Variants in MED27 observed in about 807,000 individuals in gnomAD.
MED27 encodes the protein mediator of RNA polymerase II transcription subunit 27.
Under a neutral mutation model 38.2 loss-of-function variants are expected in MED27, and 30 were observed. That is an observed-to-expected ratio of 0.79 (90% CI 0.59 to 1.07). The LOEUF (loss-of-function observed/expected upper bound fraction) is 1.07, where lower values mean the gene tolerates loss of function less well. MED27 is among the 50% of genes least tolerant of loss of function. The pLI is 0.00. For missense variants in MED27, 289 were observed against 397.5 expected, an observed-to-expected ratio of 0.73 and a Z score of 2.32; for synonymous variants, 122 against 153.5, an observed-to-expected ratio of 0.79 and a Z score of 1.52.
intron 2 of MED27, among the ~76,000 whole-genome samples, chr9:132,058,647 T>C (rs906249696): frequency 2.4e-4 from 37 of 152,178 alleles, no homozygotes; most frequent in Admixed American, 2.6e-4. Flanking sequence ...ATAAATTACC[T>C]AGTCTCAGGT....
At chr9:131,972,170 A>G (rs896823875) in intron 3 of MED27, among the ~76,000 whole-genome samples, 1 of 152,238 alleles carries the variant, frequency 6.6e-6, no homozygotes, top group African/African-American at 2.4e-5. Flanking sequence ...TTTATTTCAG[A>G]TCTTTCTGGA....
chr9:132,068,175 G>A (rs1002968715), intron 2 of MED27, among the ~76,000 whole-genome samples: 1 of 152,116 alleles, frequency 6.6e-6, no homozygotes, highest in Non-Finnish European at 1.5e-5. Flanking sequence ...AACAGGTCAT[G>A]TACAGAGACT....
intron 3 of MED27, among the ~76,000 whole-genome samples, chr9:131,941,074 G>A (rs535795801): frequency 6.6e-6 from 1 of 152,284 alleles, no homozygotes; most frequent in African/African-American, 2.4e-5. Context: ...GAAGACATCA[G>A]CCCATAGCAC....
chr9:132,067,497 T>C (rs910882035), intron 2 of MED27, among the ~76,000 whole-genome samples: 1 of 152,074 alleles, frequency 6.6e-6, no homozygotes, highest in Admixed American at 6.5e-5. Context: ...GACAAAGAGA[T>C]GATGGCCCCT....
chr9:132,014,232 G>A (rs1832553413), intron 3 of MED27, 105 bp downstream of exon 3: 3 of 1,262,264 alleles, frequency 2.4e-6, no homozygotes, highest in Non-Finnish European at 3.3e-6. Context: ...AAGGAAGGGA[G>A]GGAGGGAATT....
At chr9:131,865,875 G>A (rs146319462) in intron 6 of MED27, among the ~76,000 whole-genome samples, 147 of 152,288 alleles carry the variant, frequency 9.7e-4, no homozygotes, top group African/African-American at 3.4e-3. Flanking sequence ...GGAGGATCTG[G>A]GGACCATCTC....
intron 2 of MED27, among the ~76,000 whole-genome samples, chr9:132,062,889 T>C (rs748520305): frequency 6.6e-5 from 10 of 152,182 alleles, no homozygotes; most frequent in Non-Finnish European, 1.3e-4. Context: ...CCCAAAGGGC[T>C]GGGATTACAG....
intron 3 of MED27, among the ~76,000 whole-genome samples, chr9:131,973,260 GA>G (rs1831521655): frequency 6.6e-6 from 1 of 151,922 alleles, no homozygotes; most frequent in Non-Finnish European, 1.5e-5. Flanking sequence ...CCCTTTCAGG[GA>G]AGGGCCTATC....
rs578080922 is a variant in MED27 at position 131,943,095 on chromosome 9, G to A, written c.480-3621C>T. Among the ~76,000 whole-genome samples the A allele has an allele frequency of 2.4e-3, 362 of 152,258 alleles. 1 individual carries two copies. Among genetic ancestry groups the A allele is most frequent in the Non-Finnish European group, 3.8e-3 (259 of 68,020 alleles). ...TGTATGAAGCAAAATGGATTTTCAG[G>A]AGATTGTTTTCCATTCACATGCCTA... On this transcript the variant is annotated intron_variant, in intron 3 of 7. Transcript: ENST00000292035.
intron 3 of MED27, among the ~76,000 whole-genome samples, chr9:131,940,219 T>C (rs1830762370): frequency 6.6e-6 from 1 of 152,124 alleles, no homozygotes; most frequent in African/African-American, 2.4e-5. Context: ...CCTTCTGTTT[T>C]AAATACCTGA....
chr9:132,052,232 C>T (rs1014536215), intron 2 of MED27, among the ~76,000 whole-genome samples: 1 of 152,122 alleles, frequency 6.6e-6, no homozygotes, highest in African/African-American at 2.4e-5. Context: ...GTCAGTTATT[C>T]GTCTACAAAT....
intron 3 of MED27, among the ~76,000 whole-genome samples, chr9:131,971,131 A>T (rs564104791): frequency 6.6e-6 from 1 of 152,256 alleles, no homozygotes; most frequent in Non-Finnish European, 1.5e-5. Context: ...AAGAAAACAC[A>T]GCCAAATGTT....
At position 131,918,542 on chromosome 9, in the gene MED27, T is replaced by C. The variant is rs138129756; in HGVS notation, c.573+20839A>G. Among the ~76,000 whole-genome samples, 514 of 152,394 alleles carry C rather than the reference T, an allele frequency of 3.4e-3. 3 individuals carry two copies. The highest frequency in any genetic ancestry group is 5.4e-3 in the Non-Finnish European group (369 of 68,044). ...ATTTATCTCTAAATTTGACTTAGTATGTTTTTGACACAAAATAAAAACTAT... is the reference window on the plus strand; with the variant it reads ...ATTTATCTCTAAATTTGACTTAGTACGTTTTTGACACAAAATAAAAACTAT... On this transcript the variant is annotated intron_variant, in intron 4 of 7. Coordinates refer to ENST00000292035, the MANE Select transcript of MED27 (RefSeq NM_004269.4).
intron 6 of MED27, among the ~76,000 whole-genome samples, chr9:131,876,770 A>G (rs1216959312): frequency 6.6e-6 from 1 of 152,298 alleles, no homozygotes; most frequent in African/African-American, 2.4e-5. Context: ...TAGCGGGCTC[A>G]CGCACAAATC....
intron 6 of MED27, among the ~76,000 whole-genome samples, chr9:131,879,313 G>A (rs1838994241): frequency 6.6e-6 from 1 of 152,220 alleles, no homozygotes; most frequent in South Asian, 2.1e-4. Flanking sequence ...GGGTGGGCAC[G>A]GGTGGGGGGC....
At position 131,860,654 on chromosome 9, in the gene MED27, T is replaced by A. The variant is rs747416871; in HGVS notation, c.820A>T (p.Ile274Leu). 1 of 1,613,398 alleles carries A rather than the reference T, an allele frequency of 6.2e-7. No homozygotes were observed. Among genetic ancestry groups the A allele is most frequent in the Non-Finnish European group, 8.5e-7 (1 of 1,179,746 alleles). The change falls in exon 8 of 8, where the codon ATA becomes TTA. Residue 274 changes from isoleucine to leucine, a missense_variant. Transcript: ENST00000292035. This position sits in a 1 kb window ranked among gnomAD's most constrained non-coding sequence, Gnocchi z 5.8. ...RSFMTWLRSYIKLFQAPCQRC... is the reference protein window; with the variant it reads ...RSFMTWLRSYLKLFQAPCQRC... ...TGGCACGGGGCCTGGAACAGCTTTA[T>A]GTAACTTCTTAACCAGGTCTAAAAA...
rs576916824 is a variant in MED27 at position 131,956,487 on chromosome 9, G to A, written c.480-17013C>T. Among the ~76,000 whole-genome samples, 23 of 152,124 alleles carry A rather than the reference G, an allele frequency of 1.5e-4. No homozygotes were observed. The South Asian group carries it at 1.7e-3, about 11-fold the overall frequency. On this transcript the variant is annotated intron_variant, in intron 3 of 7. Transcript: ENST00000292035. ...AAATATTAGCCAAGCATGATGGCAG[G>A]CGCCTGTAATTCCAGCTACTCAGGA...
chr9:131,889,232 CT>C lies in MED27; in HGVS notation c.681+4652del, dbSNP rs2131495716. ...ATCAGAAATTACCCTGGAGACAGCT[CT>C]GGCTGTCTTTGAAGGTTTCCTTTGA... On this transcript the variant is annotated intron_variant, in intron 5 of 7. Transcript: ENST00000292035. The surrounding 1 kb of genome is among the most constrained non-coding windows in gnomAD (Gnocchi z 4.2). Among the ~76,000 whole-genome samples, 1 of 152,364 alleles carries C rather than the reference CT, an allele frequency of 6.6e-6. No individual in the cohort carries two copies. Among genetic ancestry groups the C allele is most frequent in the African/African-American group, 2.4e-5 (1 of 41,600 alleles).
chr9:131,993,458 C>G (rs1395378576), intron 3 of MED27, among the ~76,000 whole-genome samples: 2 of 152,202 alleles, frequency 1.3e-5, no homozygotes, highest in Admixed American at 6.5e-5. Context: ...GGAGGACAGT[C>G]AACACGTGGG....
Sources: gnomAD v4.1 joint callset for allele counts (sites outside exome capture counted in the v4.1 genomes callset) on GRCh38, gnomAD v4.1.1 for gene constraint, Gnocchi (gnomAD v3.1) non-coding constraint, MANE v1.5 for transcripts, NCBI Gene and HGNC (gene_info 2026-07-23, HGNC 2026-07-21) for gene names.